Variants in TMPRSS2 observed in about 807,000 individuals in gnomAD.
TMPRSS2 encodes transmembrane protease serine 2.
In TMPRSS2, 59 loss-of-function variants were observed where a neutral mutation model predicts 67.4. The ratio of observed to expected loss-of-function variants is 0.88; its 90% CI spans 0.71 to 1.09. TMPRSS2 has a LOEUF of 1.09. TMPRSS2 is among the 50% of genes least tolerant of loss of function. The pLI is 0.00. For synonymous variants in TMPRSS2, 257 were observed against 257.0 expected (o/e 1.00, Z 0.00); for missense variants, 668 against 642.7 (o/e 1.04, Z -0.43).
At chr21:41,472,094 CA>C in intron 9 of TMPRSS2, 113 bp from the exon 10 acceptor site, 14 of 1,042,016 alleles carry the variant, frequency 1.3e-5, no homozygotes, top group Non-Finnish European at 1.6e-5. Flanking sequence ...GATGGTTCAC[CA>C]AAAACCACAC....
chr21:41,481,869 C>A, intron 5 of TMPRSS2, among the ~76,000 whole-genome samples: 2 of 152,082 alleles, frequency 1.3e-5, no homozygotes, highest in East Asian at 1.9e-4. Context: ...TTGAGATCAG[C>A]CTGGCCAACA....
At position 41,478,130 on chromosome 21, in the gene TMPRSS2, A is replaced by C. The variant is rs1293724628; in HGVS notation, c.683+1042T>G. Among the ~76,000 whole-genome samples the C allele has an allele frequency of 6.6e-6, 1 of 152,244 alleles. No homozygotes were observed. Among genetic ancestry groups the C allele is most frequent in the Admixed American group, 6.5e-5 (1 of 15,286 alleles). On this transcript the variant is annotated intron_variant, in intron 7 of 13. Transcript: ENST00000332149. The surrounding 1 kb of genome is among the most constrained non-coding windows in gnomAD (Gnocchi z 4.0). ...TGTGTTTAGCTTCTCCACAGGGACA[A>C]ACCGCAGCCCTGCTGTTTTGATGGG... is the stretch of plus-strand genomic sequence containing the variant.
intron 1 of TMPRSS2, among the ~76,000 whole-genome samples, chr21:41,507,778 A>T (rs2091468757): frequency 1.3e-5 from 2 of 152,088 alleles, no homozygotes; most frequent in South Asian, 4.1e-4. Flanking sequence ...TCTTCCACCA[A>T]CTGGCTAGGG....
chr21:41,474,290 C>G (rs1390777627), intron 8 of TMPRSS2, among the ~76,000 whole-genome samples: 1 of 1,606 alleles, frequency 6.2e-4, no homozygotes, highest in African/African-American at 3.8e-3. Flanking sequence ...GGGGTGAGGG[C>G]ATGAGTGAGG....
At chr21:41,481,849 G>A (rs1295492292) in intron 5 of TMPRSS2, among the ~76,000 whole-genome samples, 1 of 152,126 alleles carries the variant, frequency 6.6e-6, no homozygotes, top group Non-Finnish European at 1.5e-5. Context: ...GATCACCTGA[G>A]GTCAGGCGTT....
chr21:41,507,926 C>A lies in TMPRSS2; in HGVS notation c.-57+155G>T. The A allele has an allele frequency of 2.7e-6, 4 of 1,492,984 alleles. No individual in the cohort carries two copies. In the South Asian group the frequency reaches 3.7e-5, roughly 14 times the overall value. 92.5% of individuals were successfully genotyped at this position (1,492,984 alleles called of 1,614,324 possible). ...AGGCGCCCTGCCCGGCTGGCCCCAG[C>A]GCTCGACCCTCGGGCGCACTCACCT... On this transcript the variant is annotated intron_variant, in intron 1 of 13. Transcript: ENST00000332149.
Position 41,489,578 on chromosome 21 carries a change from A to G in TMPRSS2, c.254T>C (p.Leu85Pro). The change falls in exon 4 of 14, where the codon CTG becomes CCG. Residue 85 changes from leucine to proline, a missense_variant. Transcript: ENST00000332149. ...GGTCCCCAGGGTCAAGGTGATGCAC[A>G]GTGCTTTCTTAGTCTCTGGAAGAAG... ...TVCTSKTKKA[L>P]CITLTLGTFL... is the part of the protein sequence containing the mutation. 6.2e-7 allele frequency: 1 copy of G among 1,614,128 alleles called. No homozygotes were observed. Among genetic ancestry groups the G allele is most frequent in the Non-Finnish European group, 8.5e-7 (1 of 1,179,962 alleles).
intron 2 of TMPRSS2, among the ~76,000 whole-genome samples, chr21:41,495,542 T>C (rs532513568): frequency 6.6e-6 from 1 of 151,628 alleles, no homozygotes; most frequent in African/African-American, 2.4e-5. Flanking sequence ...GGAGAATTGC[T>C]TGAACCCGGG....
rs2146483141 is a variant in TMPRSS2 at position 41,494,388 on chromosome 21, G to C, written c.206C>G (p.Pro69Arg). 6.2e-7 allele frequency: 1 copy of C among 1,609,992 alleles called. No homozygotes were observed. Among genetic ancestry groups the C allele is most frequent in the Admixed American group, 1.7e-5 (1 of 58,420 alleles). Residue 69 changes from proline to arginine, a missense_variant, in exon 3 of 14, where the codon CCC becomes CGC. Coordinates refer to ENST00000332149, the MANE Select transcript of TMPRSS2 (RefSeq NM_005656.4). ...GCACACTGTCCCGGATGGGGATTTG[G>C]GCTGCGTGCAGACGACGGGGTTGGA... ...QASNPVVCTQ[P>R]KSPSGTVCTS...
At position 41,465,915 on chromosome 21, in the gene TMPRSS2, A is replaced by C; in HGVS notation, c.*227T>G. 1.2e-5 allele frequency: 7 copies of C among 587,846 alleles called. No individual in the cohort carries two copies. Among genetic ancestry groups the C allele is most frequent in the East Asian group, 3.0e-5 (1 of 33,704 alleles). The allele number at this position is 587,846 out of a possible 1,614,324, so 36.4% of individuals were successfully genotyped here. On this transcript the variant is annotated 3_prime_UTR_variant, in exon 14 of 14. Coordinates refer to ENST00000332149, the MANE Select transcript of TMPRSS2 (RefSeq NM_005656.4). ...CACTTGACCGCCAGTGCCCACAACC[A>C]GCCGGCCATCACCCCTTGCGGACAA...
In TMPRSS2 at chr21:41,501,608, C is replaced by CA. The variant is rs57394908; in HGVS notation, c.-56-3420dup. Among the ~76,000 whole-genome samples, 657 of 86,502 alleles carry CA rather than the reference C, an allele frequency of 7.6e-3. 24 individuals are homozygous for CA. The highest frequency in any genetic ancestry group is 0.023 in the African/African-American group (518 of 23,014). 56.7% of individuals were successfully genotyped at this position (86,502 alleles called of 152,430 possible). On this transcript the variant is annotated intron_variant, in intron 1 of 13. Transcript: ENST00000332149. Reference sequence around the variant, plus strand: ...TGGGTGACAGAGAGAGACTCTGTCTCAAAAAAAAAAAAAAAAAAAAAAAAA... The same window carrying CA: ...TGGGTGACAGAGAGAGACTCTGTCTCAAAAAAAAAAAAAAAAAAAAAAAAAA...
chr21:41,484,529 G>A (rs577844096), intron 5 of TMPRSS2, among the ~76,000 whole-genome samples: 43 of 152,150 alleles, frequency 2.8e-4, no homozygotes, highest in Non-Finnish European at 4.6e-4. Flanking sequence ...TCTACTCTAC[G>A]AAATGGACAA....
At chr21:41,483,136 G>A (rs889472678) in intron 5 of TMPRSS2, among the ~76,000 whole-genome samples, 1 of 152,130 alleles carries the variant, frequency 6.6e-6, no homozygotes. Context: ...GTTAATGAAC[G>A]CACAGCACTG....
At chr21:41,476,298 TC>T (rs2091212202) in intron 8 of TMPRSS2, among the ~76,000 whole-genome samples, 1 of 152,176 alleles carries the variant, frequency 6.6e-6, no homozygotes, top group Non-Finnish European at 1.5e-5. Context: ...CTGCCGGGCC[TC>T]CAGCTCATGG....
rs142303004 is a variant in TMPRSS2, at chr21:41,471,680, C to T, written c.1075+126G>A. The T allele has an allele frequency of 2.3e-4, 262 of 1,136,866 alleles. 1 individual carries two copies. The African/African-American group carries it at 3.7e-3, about 16-fold the overall frequency. 70.4% of individuals were successfully genotyped at this position (1,136,866 alleles called of 1,614,324 possible). A position where few individuals can be genotyped will look rare whatever the true frequency, so the allele number is the denominator to read the frequency against. ...TCTGTGAGCCTCTCCCATTGGCCAC[C>T]CGCTGCACGCTACCCTCGCTCAACG... is the stretch of plus-strand genomic sequence containing the variant. On this transcript the variant is annotated intron_variant, in intron 10 of 13. Coordinates refer to ENST00000332149, the MANE Select transcript of TMPRSS2 (RefSeq NM_005656.4).
chr21:41,505,267 A>C (rs1329540143), intron 1 of TMPRSS2, among the ~76,000 whole-genome samples: 2 of 152,206 alleles, frequency 1.3e-5, no homozygotes, highest in African/African-American at 4.8e-5. Context: ...CCTGGGCCCC[A>C]TTCTCAGAGT....
chr21:41,475,722 G>C (rs1165953304), intron 8 of TMPRSS2, among the ~76,000 whole-genome samples: 1 of 122,950 alleles, frequency 8.1e-6, no homozygotes, highest in African/African-American at 3.1e-5. Context: ...GGTTGAGGGG[G>C]TGAGTAGGGG....
chr21:41,469,671 C>T (rs544417878), intron 11 of TMPRSS2, among the ~76,000 whole-genome samples: 2 of 152,244 alleles, frequency 1.3e-5, no homozygotes, highest in African/African-American at 4.8e-5. Context: ...CTTGTGATCC[C>T]CACCCTCAGA....
chr21:41,498,531 G>T (rs1053386439), intron 1 of TMPRSS2, among the ~76,000 whole-genome samples: 1 of 152,292 alleles, frequency 6.6e-6, no homozygotes, highest in Admixed American at 6.5e-5. Flanking sequence ...ATCGGGAAGG[G>T]CTCTCAGGGG....
Sources: allele counts gnomAD v4.1 joint callset (sites outside exome capture counted in the v4.1 genomes callset), GRCh38; gene constraint gnomAD v4.1.1; non-coding constraint Gnocchi (gnomAD v3.1); transcripts MANE v1.5; gene names NCBI Gene and HGNC (gene_info 2026-07-23, HGNC 2026-07-21).